The following GTF3C1 variants were observed in gnomAD, a reference collection of about 807,000 sequenced individuals.
The protein encoded by GTF3C1 is general transcription factor 3C polypeptide 1.
A neutral mutation model predicts 226.7 loss-of-function variants in GTF3C1; 57 were observed. The ratio of observed to expected loss-of-function variants is 0.25; its 90% CI spans 0.20 to 0.31. The LOEUF (loss-of-function observed/expected upper bound fraction) is 0.31, where lower values mean the gene tolerates loss of function less well. Ranked by LOEUF, GTF3C1 falls within the 10% of genes least tolerant of loss-of-function variation. The pLI, the probability that GTF3C1 is intolerant of heterozygous loss-of-function variation, is 1.00. For missense variants in GTF3C1, 2,217 were observed against 2,776.1 expected (o/e 0.80, Z 4.53); for synonymous variants, 1,090 against 1,084.8 (o/e 1.00, Z -0.09).
chr16:27,476,115 A>T (rs1465879734), intron 29 of GTF3C1, among the ~76,000 whole-genome samples: 8 of 152,204 alleles, frequency 5.3e-5, no homozygotes, highest in Admixed American at 5.2e-4. Context: ...TACACTTGAA[A>T]TGCACCAGGA....
intron 15 of GTF3C1, 22 bp from the exon 16 acceptor site, chr16:27,494,930 AC>A (rs752861205): frequency 1.2e-6 from 2 of 1,607,074 alleles, no homozygotes; most frequent in Non-Finnish European, 1.7e-6. Flanking sequence ...ACGCACGGTT[AC>A]CCCCGGCAGC....
intron 12 of GTF3C1, among the ~76,000 whole-genome samples, chr16:27,500,274 G>A (rs990539816): frequency 6.6e-6 from 1 of 152,126 alleles, no homozygotes; most frequent in Non-Finnish European, 1.5e-5. Context: ...GGGAACAAGT[G>A]GCAGGCTGGT....
At position 27,545,379 on chromosome 16, in the gene GTF3C1, G is replaced by A; in HGVS notation, c.366C>T (p.Asn122=). The change falls in exon 2 of 37, where the codon AAC becomes AAT. Residue 122 remains asparagine, a synonymous_variant. Transcript: ENST00000356183. ...GSCRYFKERK[N]ITNDIRTKSL... is the part of the protein sequence containing the mutation. ...ACTTGGTTCTGATGTCATTGGTAATGTTTTTCCTCTCCTTAAAGTAGCGGC... is the reference window on the plus strand; with the variant it reads ...ACTTGGTTCTGATGTCATTGGTAATATTTTTCCTCTCCTTAAAGTAGCGGC... The A allele has an allele frequency of 6.2e-7, 1 of 1,613,888 alleles. No homozygotes were observed.
chr16:27,461,271 CA>C lies in GTF3C1; in HGVS notation c.*78del. 1 of 899,186 alleles carries C rather than the reference CA, an allele frequency of 1.1e-6. No individual in the cohort carries two copies. The highest frequency in any genetic ancestry group is 1.7e-6 in the Non-Finnish European group (1 of 579,018). The allele number at this position is 899,186 out of a possible 1,614,324, so 55.7% of individuals were successfully genotyped here. A position where few individuals can be genotyped will look rare whatever the true frequency, so the allele number is the denominator to read the frequency against. On this transcript the variant is annotated 3_prime_UTR_variant, in exon 37 of 37. Coordinates refer to ENST00000356183, the MANE Select transcript of GTF3C1 (RefSeq NM_001520.4). This position sits in a 1 kb window ranked among gnomAD's most constrained non-coding sequence, Gnocchi z 5.3. Reference sequence around the variant, plus strand: ...AGGCTCGGCAGACCCAAGGCCAGGGCACAGTGGGGTCTGCCGAGCACCAGGC... The same window carrying C: ...AGGCTCGGCAGACCCAAGGCCAGGGCCAGTGGGGTCTGCCGAGCACCAGGC...
At chr16:27,511,722 C>G in intron 7 of GTF3C1, 27 bp downstream of exon 7, 1 of 1,610,480 alleles carries the variant, frequency 6.2e-7, no homozygotes, top group Non-Finnish European at 8.5e-7. Flanking sequence ...GGATCCATAT[C>G]CAAGCTGGCA....
intron 10 of GTF3C1, 81 bp from the exon 11 acceptor site, chr16:27,503,076 GC>G: frequency 9.5e-7 from 1 of 1,049,430 alleles, no homozygotes; most frequent in Non-Finnish European, 1.4e-6. Flanking sequence ...GGGTGCACTG[GC>G]CCTCTTCAAG....
chr16:27,507,034 G>A lies in GTF3C1; in HGVS notation c.1365C>T (p.Thr455=), dbSNP rs1311240423. The A allele has an allele frequency of 3.2e-5, 52 of 1,613,706 alleles. No homozygotes were observed. The highest frequency in any genetic ancestry group is 4.2e-5 in the Non-Finnish European group (50 of 1,179,988). The change falls in exon 9 of 37, where the codon ACC becomes ACT. Residue 455 remains threonine (T), a synonymous_variant. Transcript: ENST00000356183. The surrounding 1 kb of genome is among the most constrained non-coding windows in gnomAD (Gnocchi z 4.9). Reference sequence around the variant, plus strand: ...CCTCCTGCATAGACGCCAGGCTCACGGTGGTCAAGAGCTCGCTGCGGGCCT... The same window carrying A: ...CCTCCTGCATAGACGCCAGGCTCACAGTGGTCAAGAGCTCGCTGCGGGCCT... ...REKARSELLT[T]VSLASMQEES... is the part of the protein sequence containing the mutation.
chr16:27,525,443 A>G (rs961310892), intron 6 of GTF3C1, among the ~76,000 whole-genome samples: 1 of 152,220 alleles, frequency 6.6e-6, no homozygotes, highest in Admixed American at 6.5e-5. Flanking sequence ...TGCTCTAGGA[A>G]GGTTTCCTAA....
rs2087689527 is a variant in GTF3C1, at chr16:27,460,714, A to C, written c.*636T>G. On this transcript the variant is annotated 3_prime_UTR_variant, in exon 37 of 37. Transcript: ENST00000356183. ...GGTGAAAGAACAAAATAAAACAAAC[A>C]AAACCAAAACCTACAGGGACTCTTC... The C allele has an allele frequency of 6.6e-6, 1 of 152,228 alleles. No homozygotes were observed. The highest frequency in any genetic ancestry group is 1.5e-5 in the Non-Finnish European group (1 of 68,046). 9.4% of individuals were successfully genotyped at this position (152,228 alleles called of 1,614,324 possible).
At chr16:27,521,411 GCTC>G (rs1286883158) in intron 6 of GTF3C1, among the ~76,000 whole-genome samples, 1 of 152,186 alleles carries the variant, frequency 6.6e-6, no homozygotes, top group Non-Finnish European at 1.5e-5. Flanking sequence ...CAGTCCTCAC[GCTC>G]CTCCTACCTG....
chr16:27,462,315 G>A lies in GTF3C1; in HGVS notation c.6096C>T (p.Val2032=), dbSNP rs948100323. 9.0e-6 allele frequency: 14 copies of A among 1,556,186 alleles called. No homozygotes were observed. Among genetic ancestry groups the A allele is most frequent in the Admixed American group, 1.9e-5 (1 of 51,470 alleles). ...LRHYQGVLQP[V]AVLELLQGLE... ...ACACCTGGAGCAACTCCAGCACGGC[G>A]ACGGGCTGCAGGACCCCCTGGTAGT... The change falls in exon 36 of 37, where the codon GTC becomes GTT. Residue 2032 remains valine (V), a synonymous_variant. Coordinates refer to ENST00000356183, the MANE Select transcript of GTF3C1 (RefSeq NM_001520.4). The surrounding 1 kb of genome is among the most constrained non-coding windows in gnomAD (Gnocchi z 4.5).
At position 27,491,111 on chromosome 16, in the gene GTF3C1, A is replaced by G. The variant is rs1399613246; in HGVS notation, c.3151+1227T>C. ...ATTCTATGAAACACACTGTTCTAAA[A>G]TACGTCTGGACCCATGAAAGTTTCT... On this transcript the variant is annotated intron_variant, in intron 19 of 36. Coordinates refer to ENST00000356183, the MANE Select transcript of GTF3C1 (RefSeq NM_001520.4). 2.6e-5 allele frequency among the ~76,000 whole-genome samples: 4 copies of G among 152,238 alleles called. No homozygotes were observed. In the East Asian group the frequency reaches 7.7e-4, roughly 29 times the overall value.
At chr16:27,495,601 G>T in intron 14 of GTF3C1, 109 bp from the exon 15 acceptor site, 1 of 970,158 alleles carries the variant, frequency 1.0e-6, no homozygotes. Flanking sequence ...CCAGAAAGAT[G>T]GCAAATATTC....
intron 33 of GTF3C1, 150 bp from the exon 34 acceptor site, chr16:27,464,986 G>C: frequency 7.1e-6 from 5 of 701,492 alleles, no homozygotes; most frequent in Non-Finnish European, 1.2e-5. Flanking sequence ...CCTAGCCCCG[G>C]GGCTGCCCCT....
intron 25 of GTF3C1, among the ~76,000 whole-genome samples, chr16:27,483,621 C>T (rs1293145121): frequency 6.6e-6 from 1 of 152,248 alleles, no homozygotes; most frequent in Non-Finnish European, 1.5e-5. Context: ...GCTGGGCTCC[C>T]GTCCACCAGG....
At chr16:27,502,462 C>T (rs1308812006) in intron 11 of GTF3C1, among the ~76,000 whole-genome samples, 7 of 152,166 alleles carry the variant, frequency 4.6e-5, no homozygotes, top group South Asian at 2.1e-4. Context: ...ACTCTATTTG[C>T]GCAAAATGCA....
At chr16:27,532,770 G>A (rs963440193) in intron 5 of GTF3C1, among the ~76,000 whole-genome samples, 2 of 152,148 alleles carry the variant, frequency 1.3e-5, no homozygotes, top group Non-Finnish European at 2.9e-5. Flanking sequence ...ATAGGTCCTA[G>A]AACGAACTCC....
At chr16:27,503,620 C>T (rs564586613) in intron 10 of GTF3C1, among the ~76,000 whole-genome samples, 1 of 152,328 alleles carries the variant, frequency 6.6e-6, no homozygotes, top group African/African-American at 2.4e-5. Context: ...ATCTGTGCTT[C>T]CTCTTCTATC....
rs560052746 is a variant in GTF3C1 at position 27,499,856 on chromosome 16, A to G, written c.2062-1123T>C. Among the ~76,000 whole-genome samples the G allele has an allele frequency of 7.9e-5, 12 of 152,360 alleles. No individual in the cohort carries two copies. The East Asian group carries it at 2.3e-3, about 29-fold the overall frequency. On this transcript the variant is annotated intron_variant, in intron 12 of 36. Coordinates refer to ENST00000356183, the MANE Select transcript of GTF3C1 (RefSeq NM_001520.4). ...TGGCCCCAGCAGATCAAAGGCTGCC[A>G]GCAGCACATGCTCTGGGTGCCAGAG...
Sources: allele counts gnomAD v4.1 joint callset (sites outside exome capture counted in the v4.1 genomes callset), GRCh38; gene constraint gnomAD v4.1.1; non-coding constraint Gnocchi (gnomAD v3.1); transcripts MANE v1.5; gene names NCBI Gene and HGNC (gene_info 2026-07-23, HGNC 2026-07-21).